Variants in SOAT1 observed in about 807,000 individuals in gnomAD.
SOAT1 encodes sterol O-acyltransferase 1.
SOAT1 carries 55 observed loss-of-function variants against 69.5 expected under a neutral mutation model. That is an observed-to-expected ratio of 0.79 (90% confidence interval 0.64 to 0.99). SOAT1 has a LOEUF of 0.99. SOAT1 is among the 50% of genes least tolerant of loss of function. SOAT1 has a pLI of 0.00. For missense variants in SOAT1, 580 were observed against 669.3 expected, an observed-to-expected ratio of 0.87 and a Z score of 1.47; for synonymous variants, 231 against 224.7, an observed-to-expected ratio of 1.03 and a Z score of -0.25.
intron 3 of SOAT1, among the ~76,000 whole-genome samples, chr1:179,326,550 C>CTTTTTT (rs10568516): frequency 5.6e-5 from 6 of 106,260 alleles, no homozygotes; most frequent in Admixed American, 1.7e-4. Flanking sequence ...AATTTCTTTT[C>CTTTTTT]TTTTTTTTTT....
intron 2 of SOAT1, among the ~76,000 whole-genome samples, chr1:179,306,830 C>A (rs1211070651): frequency 6.8e-3 from 659 of 96,310 alleles, no homozygotes; most frequent in African/African-American, 0.01. Context: ...GACTCCATCT[C>A]AAAAAAAAAA....
chr1:179,303,688 T>C (rs1014826918), intron 2 of SOAT1, among the ~76,000 whole-genome samples: 58 of 152,326 alleles, frequency 3.8e-4, no homozygotes, highest in African/African-American at 1.4e-3. Context: ...GGTTTATTGA[T>C]AGGCTCTTAG....
intron 15 of SOAT1, among the ~76,000 whole-genome samples, chr1:179,353,228 T>TATATAAATATA: frequency 7.8e-6 from 1 of 128,306 alleles, no homozygotes; most frequent in Admixed American, 9.4e-5. Flanking sequence ...TATATATCTA[T>TATATAAATATA]TTGTCGTCCT....
intron 2 of SOAT1, among the ~76,000 whole-genome samples, chr1:179,318,252 C>G (rs1665464980): frequency 6.8e-6 from 1 of 147,826 alleles, no homozygotes; most frequent in Non-Finnish European, 1.5e-5. Flanking sequence ...ATCAATTAAT[C>G]CCACTGCTTT....
In SOAT1 at chr1:179,319,990, A is replaced by T. The variant is rs1023574171; in HGVS notation, c.119-3447A>T. 3.3e-3 allele frequency among the ~76,000 whole-genome samples: 483 copies of T among 147,728 alleles called. 4 individuals are homozygous for T. Among genetic ancestry groups the T allele is most frequent in the African/African-American group, 0.011 (446 of 40,258 alleles). ...TACAAGTCCCTAATCAGATTTGCAA[A>T]TTTTTTTTTTTCCCATTCTATGGGT... On this transcript the variant is annotated intron_variant, in intron 2 of 15. Transcript: ENST00000367619.
intron 2 of SOAT1, among the ~76,000 whole-genome samples, chr1:179,306,405 T>C (rs756137450): frequency 1.3e-5 from 2 of 152,082 alleles, no homozygotes; most frequent in African/African-American, 2.4e-5. Flanking sequence ...CAAGCAGTAA[T>C]TGGTATACAT....
intron 2 of SOAT1, among the ~76,000 whole-genome samples, chr1:179,306,129 G>A (rs1361167451): frequency 6.6e-6 from 1 of 152,130 alleles, no homozygotes; most frequent in Non-Finnish European, 1.5e-5. Context: ...AGAGGGTGAC[G>A]GGTAGGTAGT....
intron 10 of SOAT1, among the ~76,000 whole-genome samples, chr1:179,343,902 C>A (rs778132381): frequency 6.6e-6 from 1 of 152,250 alleles, no homozygotes; most frequent in East Asian, 1.9e-4. Flanking sequence ...GTGGGCAGAT[C>A]GCGAGGTCAG....
intron 4 of SOAT1, 108 bp from the exon 5 acceptor site, chr1:179,337,729 G>A: frequency 1.4e-6 from 1 of 709,050 alleles, no homozygotes; most frequent in South Asian, 2.2e-5. Flanking sequence ...AAGGTCATTG[G>A]TCAATTAATG....
At chr1:179,327,092 C>G (rs1194408711) in intron 3 of SOAT1, among the ~76,000 whole-genome samples, 1 of 152,204 alleles carries the variant, frequency 6.6e-6, no homozygotes, top group African/African-American at 2.4e-5. Flanking sequence ...TACTTACTTA[C>G]ATCATCCCAT....
At chr1:179,352,458 G>C (rs1031439024) in intron 15 of SOAT1, among the ~76,000 whole-genome samples, 3 of 148,124 alleles carry the variant, frequency 2.0e-5, no homozygotes, top group Non-Finnish European at 3.0e-5. Context: ...TGCATATAGG[G>C]CGTGTCCTAT....
At chr1:179,346,955 G>A (rs887996048) in intron 11 of SOAT1, among the ~76,000 whole-genome samples, 3 of 152,012 alleles carry the variant, frequency 2.0e-5, no homozygotes, top group East Asian at 3.9e-4. Flanking sequence ...GGGAGAGGGG[G>A]CAAAATCTCT....
intron 3 of SOAT1, among the ~76,000 whole-genome samples, chr1:179,329,507 C>A (rs1441739818): frequency 6.6e-6 from 1 of 152,242 alleles, no homozygotes; most frequent in East Asian, 1.9e-4. Context: ...TGGCGGATCA[C>A]ATGAGTTCGA....
chr1:179,356,278 A>G lies in SOAT1; in HGVS notation c.*2637A>G, dbSNP rs768612657. 4 of 152,168 alleles carry G rather than the reference A, an allele frequency of 2.6e-5. No homozygotes were observed. Among genetic ancestry groups the G allele is most frequent in the Non-Finnish European group, 5.9e-5 (4 of 68,036 alleles). 9.4% of individuals were successfully genotyped at this position (152,168 alleles called of 1,614,324 possible). On this transcript the variant is annotated 3_prime_UTR_variant, in exon 16 of 16. Transcript: ENST00000367619. ...GTAGTATGTATATCACTTTCTCATT[A>G]GATCTCTAACTTGACCTTCTAGTAC...
chr1:179,347,747 C>T, intron 12 of SOAT1, 50 bp downstream of exon 12: 2 of 1,043,146 alleles, frequency 1.9e-6, no homozygotes, highest in Non-Finnish European at 2.9e-6. Flanking sequence ...TTAACTTCTT[C>T]ATTATTAGTA....
chr1:179,322,194 A>G lies in SOAT1; in HGVS notation c.119-1243A>G, dbSNP rs576511275. Among the ~76,000 whole-genome samples the G allele has an allele frequency of 4.4e-4, 67 of 151,970 alleles. 1 individual carries two copies. In the South Asian group the frequency reaches 7.1e-3, roughly 16 times the overall value. ...CCCCCACGCCCAGCCTTCCTTTTCT[A>G]TGTTTTCAAGTTTCACTTTTATTTC... On this transcript the variant is annotated intron_variant, in intron 2 of 15. Coordinates refer to ENST00000367619, the MANE Select transcript of SOAT1 (RefSeq NM_003101.6).
chr1:179,302,111 A>G (rs1198949754), intron 1 of SOAT1, among the ~76,000 whole-genome samples: 1 of 152,056 alleles, frequency 6.6e-6, no homozygotes, highest in African/African-American at 2.4e-5. Flanking sequence ...AGGGGCTTCA[A>G]AACCATTCCA....
At chr1:179,328,213 A>C (rs977017836) in intron 3 of SOAT1, among the ~76,000 whole-genome samples, 24 of 152,350 alleles carry the variant, frequency 1.6e-4, no homozygotes, top group Non-Finnish European at 1.9e-4. Flanking sequence ...CTGGGATTAC[A>C]GGAGGGATCC....
intron 2 of SOAT1, among the ~76,000 whole-genome samples, chr1:179,304,070 G>T (rs946502205): frequency 2.0e-5 from 3 of 152,196 alleles, no homozygotes; most frequent in Non-Finnish European, 4.4e-5. Flanking sequence ...TTTAGTGCAG[G>T]TGTTAAAAAT....
Sources: allele counts gnomAD v4.1 joint callset (sites outside exome capture counted in the v4.1 genomes callset), GRCh38; gene constraint gnomAD v4.1.1; transcripts MANE v1.5; gene names NCBI Gene and HGNC (gene_info 2026-07-23, HGNC 2026-07-21).